ERICH1: variants seen among roughly 807,000 people sequenced by gnomAD.
The protein encoded by ERICH1 is glutamate-rich protein 1.
In ERICH1, 56 loss-of-function variants were observed where a neutral mutation model predicts 39.6. That is an observed-to-expected ratio of 1.41 (90% CI 1.14 to 1.77). The LOEUF (loss-of-function observed/expected upper bound fraction) is 1.77. Ranked by LOEUF, ERICH1 falls within the 40% of genes most tolerant of loss-of-function variation. The probability of loss-of-function intolerance (pLI) is 0.00; values close to 1 mark genes in which losing one functional copy is unlikely to be tolerated. For missense variants in ERICH1, 826 were observed against 575.4 expected (o/e 1.44, Z -4.45); for synonymous variants, 313 against 223.6 (o/e 1.40, Z -3.57).
In ERICH1 at chr8:673,497, G is replaced by A. The variant is rs144760631; in HGVS notation, c.855C>T (p.Ala285=). The A allele has an allele frequency of 2.1e-4, 344 of 1,612,260 alleles. No individual in the cohort carries two copies. The African/African-American group carries it at 3.4e-3, about 16-fold the overall frequency. The change falls in exon 4 of 6, where the codon GCC becomes GCT. Residue 285 remains alanine (A), a synonymous_variant. Coordinates refer to ENST00000262109, the MANE Select transcript of ERICH1 (RefSeq NM_207332.3). ...VDTIEEDLTR[A]GEEDGKDTRE... ...TGGTGTCTTTACCGTCTTCCTCCCC[G>A]GCCCGTGTCAGGTCTTCCTCAATGG... is the stretch of plus-strand genomic sequence containing the variant.
chr8:708,072 A>G (rs1813716518), intron 2 of ERICH1, among the ~76,000 whole-genome samples: 1 of 152,186 alleles, frequency 6.6e-6, no homozygotes, highest in South Asian at 2.1e-4. Context: ...AAAAATGGAA[A>G]ACCACAATGA....
intron 2 of ERICH1, among the ~76,000 whole-genome samples, chr8:693,070 G>A (rs1464172031): frequency 6.6e-6 from 1 of 151,846 alleles, no homozygotes; most frequent in African/African-American, 2.4e-5. Flanking sequence ...TGCACACACA[G>A]CCACACACAC....
intron 3 of ERICH1, chr8:626,417 G>C (rs1419053732): frequency 6.6e-6 from 1 of 152,168 alleles, no homozygotes; most frequent in Non-Finnish European, 1.5e-5. Flanking sequence ...GCAGGAGCTG[G>C]GGTGGGGTCA....
intron 3 of ERICH1, among the ~76,000 whole-genome samples, chr8:628,280 C>G (rs762620078): frequency 2.0e-5 from 3 of 152,222 alleles, no homozygotes; most frequent in Non-Finnish European, 4.4e-5. Flanking sequence ...CCTGTGTCAG[C>G]TCAGAGCTGG....
At chr8:637,949 A>C (rs947199654) in intron 3 of ERICH1, among the ~76,000 whole-genome samples, 3 of 152,230 alleles carry the variant, frequency 2.0e-5, no homozygotes, top group African/African-American at 4.8e-5. Context: ...GAGGACTTTG[A>C]TTCAACAGAT....
intron 3 of ERICH1, among the ~76,000 whole-genome samples, chr8:636,450 G>C (rs188444149): frequency 1.3e-5 from 2 of 152,222 alleles, no homozygotes; most frequent in Non-Finnish European, 2.9e-5. Context: ...CAAAGGAGAC[G>C]GCCCAGAGTG....
chr8:710,436 C>T (rs998679266), intron 2 of ERICH1, among the ~76,000 whole-genome samples: 4 of 147,130 alleles, frequency 2.7e-5, no homozygotes, highest in South Asian at 2.2e-4. Flanking sequence ...TCGTACGGGG[C>T]GGTTTCACTG....
intron 3 of ERICH1, among the ~76,000 whole-genome samples, chr8:653,526 T>G (rs1009155116): frequency 1.3e-5 from 2 of 152,148 alleles, no homozygotes; most frequent in Admixed American, 6.5e-5. Flanking sequence ...CCCTTTTTTT[T>G]GTCTATATAT....
chr8:689,796 G>A (rs9314603), intron 3 of ERICH1, among the ~76,000 whole-genome samples: 77,066 of 151,918 alleles, frequency 0.51, 19,473 homozygotes, highest in Middle Eastern at 0.61. Context: ...GACGTAAGCG[G>A]TATTTTGAGC....
intron 3 of ERICH1, chr8:625,969 C>A (rs148281059): frequency 1.3e-5 from 2 of 152,190 alleles, no homozygotes; most frequent in Non-Finnish European, 2.9e-5. Context: ...TTTATTCTGC[C>A]TAGCAAAGGA....
chr8:686,993 G>C (rs1013515059), intron 3 of ERICH1, among the ~76,000 whole-genome samples: 1 of 152,236 alleles, frequency 6.6e-6, no homozygotes, highest in African/African-American at 2.4e-5. Flanking sequence ...GAAAGGCTAA[G>C]AGAAGTCACG....
intron 3 of ERICH1, among the ~76,000 whole-genome samples, chr8:679,756 G>A (rs1424727156): frequency 6.6e-6 from 1 of 152,244 alleles, no homozygotes; most frequent in East Asian, 1.9e-4. Flanking sequence ...CATCACTGTG[G>A]TCACCTCCAC....
intron 3 of ERICH1, among the ~76,000 whole-genome samples, chr8:624,193 A>G (rs1490657336): frequency 6.6e-6 from 1 of 152,218 alleles, no homozygotes; most frequent in African/African-American, 2.4e-5. Context: ...CCACAATGAG[A>G]CATCAGCTCA....
At chr8:722,922 C>G (rs1421133787) in intron 1 of ERICH1, among the ~76,000 whole-genome samples, 1 of 152,200 alleles carries the variant, frequency 6.6e-6, no homozygotes, top group Admixed American at 6.5e-5. Context: ...AGTGACTTTA[C>G]AATGTAAAGC....
chr8:720,589 G>T (rs1296571332), intron 1 of ERICH1, among the ~76,000 whole-genome samples: 1 of 152,204 alleles, frequency 6.6e-6, no homozygotes, highest in Non-Finnish European at 1.5e-5. Context: ...GGATTTGGAT[G>T]TGCTAATTCA....
chr8:672,042 G>C (rs762694412), intron 4 of ERICH1: 1 of 153,118 alleles, frequency 6.5e-6, no homozygotes. Context: ...GATTCCTGAA[G>C]ACAAGTGGCT....
chr8:729,992 G>A (rs867458706), intron 1 of ERICH1, among the ~76,000 whole-genome samples: 1 of 152,112 alleles, frequency 6.6e-6, no homozygotes, highest in East Asian at 1.9e-4. Context: ...CACCAAGAAG[G>A]CAGGCACAGC....
chr8:665,326 C>G (rs1802035738), intron 5 of ERICH1, among the ~76,000 whole-genome samples: 1 of 152,216 alleles, frequency 6.6e-6, no homozygotes. Context: ...GGCCCTGGCT[C>G]TAACGTCTGT....
At chr8:631,599 TG>T (rs1442046655) in intron 3 of ERICH1, among the ~76,000 whole-genome samples, 3 of 152,010 alleles carry the variant, frequency 2.0e-5, no homozygotes, top group Non-Finnish European at 4.4e-5. Flanking sequence ...TGCCAGGGAG[TG>T]GGGGCAATGC....
Sources: allele counts gnomAD v4.1 joint callset (sites outside exome capture counted in the v4.1 genomes callset), GRCh38; gene constraint gnomAD v4.1.1; transcripts MANE v1.5; gene names NCBI Gene and HGNC (gene_info 2026-07-23, HGNC 2026-07-21).